ESR1: variants seen among roughly 807,000 people sequenced by gnomAD.
ESR1 encodes estrogen receptor 1.
ESR1 carries 12 observed loss-of-function variants against 52.7 expected under a neutral mutation model. The ratio of observed to expected loss-of-function variants is 0.23; its 90% CI spans 0.15 to 0.37. The LOEUF is 0.37. Among genes scored for constraint, ESR1 ranks in the 10% least tolerant of loss-of-function variants. The pLI is 1.00. For synonymous variants in ESR1, 305 were observed against 316.8 expected (o/e 0.96, Z 0.39); for missense variants, 584 against 779.7 (o/e 0.75, Z 2.99).
At chr6:151,686,709 C>A (rs559585224), upstream of ESR1, among the ~76,000 whole-genome samples, 1 of 151,880 alleles carries the variant, frequency 6.6e-6, no homozygotes, top group Admixed American at 6.5e-5. Context: ...ACCAACCAAC[C>A]AACCAACCAA....
chr6:152,127,201 T>C (rs1287071856), exon 7 of ESR1: 2 of 152,124 alleles, frequency 1.3e-5, no homozygotes, highest in African/African-American at 2.4e-5. Flanking sequence ...TACCCATCAA[T>C]GGCCCTTCAG....
At chr6:152,114,392 T>C (rs2051182492) in intron 6 of ESR1, among the ~76,000 whole-genome samples, 2 of 152,052 alleles carry the variant, frequency 1.3e-5, no homozygotes, top group Admixed American at 6.5e-5. Flanking sequence ...ACATCTCTCC[T>C]AGGAAAGCTC....
rs539134034 is a variant in ESR1 at position 151,954,356 on chromosome 6, T to C, written c.1096+9848T>C. Among the ~76,000 whole-genome samples the C allele has an allele frequency of 2.6e-5, 4 of 152,356 alleles. No individual in the cohort carries two copies. The South Asian group carries it at 8.3e-4, about 32-fold the overall frequency. On this transcript the variant is annotated intron_variant, in intron 4 of 7. Coordinates refer to ENST00000206249, the MANE Select transcript of ESR1 (RefSeq NM_000125.4). ...TTAAAAACAAGTGGCCTTGTCCTTT[T>C]AGTCTAGGATTTATCACTTAGCTGT...
At chr6:152,109,114 CACTT>C (rs1415185869) in intron 6 of ESR1, among the ~76,000 whole-genome samples, 4 of 152,092 alleles carry the variant, frequency 2.6e-5, no homozygotes, top group Non-Finnish European at 5.9e-5. Flanking sequence ...CACAATAACT[CACTT>C]ACTCACTATC....
chr6:151,918,406 A>T (rs1373026897), intron 3 of ESR1, among the ~76,000 whole-genome samples: 1 of 152,250 alleles, frequency 6.6e-6, no homozygotes, highest in Non-Finnish European at 1.5e-5. Flanking sequence ...ATCATTGCTC[A>T]TCTGTGCCTA....
At chr6:152,002,353 A>G (rs2042025162) in intron 4 of ESR1, among the ~76,000 whole-genome samples, 1 of 151,928 alleles carries the variant, frequency 6.6e-6, no homozygotes, top group Non-Finnish European at 1.5e-5. Context: ...GAGACCGTCT[A>G]CTTCCCTCGT....
At chr6:151,890,213 C>T (rs1185275133) in intron 3 of ESR1, among the ~76,000 whole-genome samples, 1 of 151,682 alleles carries the variant, frequency 6.6e-6, no homozygotes, top group African/African-American at 2.4e-5. Context: ...GCCTCCCGAG[C>T]AGCTGGGAAT....
At chr6:151,981,957 G>C (rs1257016228) in intron 4 of ESR1, among the ~76,000 whole-genome samples, 2 of 152,176 alleles carry the variant, frequency 1.3e-5, no homozygotes, top group South Asian at 4.1e-4. Context: ...GACAAATAAG[G>C]TTCATTTTCA....
At chr6:152,071,576 C>T (rs1425782317) in intron 6 of ESR1, among the ~76,000 whole-genome samples, 6 of 152,182 alleles carry the variant, frequency 3.9e-5, no homozygotes, top group African/African-American at 1.2e-4. Flanking sequence ...TAGAACAATA[C>T]CTACTTAAAC....
At chr6:151,996,156 G>A (rs1051674437) in intron 4 of ESR1, among the ~76,000 whole-genome samples, 7 of 152,124 alleles carry the variant, frequency 4.6e-5, no homozygotes, top group Non-Finnish European at 7.4e-5. Context: ...GTCTGTATGG[G>A]ACAGCCTCCT....
chr6:151,947,185 G>A (rs977250463), intron 4 of ESR1, among the ~76,000 whole-genome samples: 2 of 152,092 alleles, frequency 1.3e-5, no homozygotes, highest in African/African-American at 4.8e-5. Context: ...CAGGCTTGGT[G>A]GCACACATCC....
intron 1 of ESR1, among the ~76,000 whole-genome samples, chr6:151,819,429 A>C (rs1171941148): frequency 6.6e-6 from 1 of 152,202 alleles, no homozygotes; most frequent in Non-Finnish European, 1.5e-5. Context: ...GTGATGCTTC[A>C]TCTGTATTTA....
At chr6:151,852,590 G>T (rs1786971373) in intron 2 of ESR1, among the ~76,000 whole-genome samples, 1 of 146,500 alleles carries the variant, frequency 6.8e-6, no homozygotes, top group Non-Finnish European at 1.5e-5. Context: ...GTAAACTGCA[G>T]AAACAAATAT....
chr6:152,088,031 T>C (rs1338535975), intron 6 of ESR1, among the ~76,000 whole-genome samples: 1 of 152,178 alleles, frequency 6.6e-6, no homozygotes, highest in Non-Finnish European at 1.5e-5. Flanking sequence ...TAATAAAACA[T>C]ACATATTCCT....
chr6:152,055,983 T>C (rs2047069922), intron 5 of ESR1, among the ~76,000 whole-genome samples: 1 of 152,246 alleles, frequency 6.6e-6, no homozygotes, highest in East Asian at 1.9e-4. Context: ...TGTTTCTGTC[T>C]GTATACTCAT....
chr6:152,103,980 C>CTTTTTTTTT (rs369261779), downstream of ESR1, among the ~76,000 whole-genome samples: 2 of 93,872 alleles, frequency 2.1e-5, no homozygotes, highest in African/African-American at 4.2e-5. Context: ...TTCATTCTAC[C>CTTTTTTTTT]TTTTTTTTTT....
intron 4 of ESR1, among the ~76,000 whole-genome samples, chr6:152,001,647 G>A (rs2041953462): frequency 6.6e-6 from 1 of 151,948 alleles, no homozygotes; most frequent in African/African-American, 2.4e-5. Context: ...TCCACCATGG[G>A]TTAAAGAAAA....
intron 3 of ESR1, among the ~76,000 whole-genome samples, chr6:151,886,106 C>A (rs1241911201): frequency 6.6e-6 from 1 of 151,372 alleles, no homozygotes; most frequent in Non-Finnish European, 1.5e-5. Flanking sequence ...ATATAAATTT[C>A]TAATTTCTTT....
At position 152,101,239 on chromosome 6, in the gene ESR1, G is replaced by A. The variant is rs1017083961; in HGVS notation, c.*2273G>A. The A allele has an allele frequency of 4.3e-6, 1 of 231,998 alleles. No individual in the cohort carries two copies. The highest frequency in any genetic ancestry group is 8.5e-6 in the Non-Finnish European group (1 of 117,232). 14.4% of individuals were successfully genotyped at this position (231,998 alleles called of 1,614,324 possible). A position where few individuals can be genotyped will look rare whatever the true frequency, so the allele number is the denominator to read the frequency against. On this transcript the variant is annotated 3_prime_UTR_variant, in exon 8 of 8. Coordinates refer to ENST00000206249, the MANE Select transcript of ESR1 (RefSeq NM_000125.4). Reference sequence around the variant, plus strand: ...ATCTTATGTAGCAAAGATTATGCCTGAAAAGGAAAATTATTCAGGGCAGCT... The same window carrying A: ...ATCTTATGTAGCAAAGATTATGCCTAAAAAGGAAAATTATTCAGGGCAGCT...
Sources: gnomAD v4.1 joint callset for allele counts (sites outside exome capture counted in the v4.1 genomes callset) on GRCh38, gnomAD v4.1.1 for gene constraint, MANE v1.5 for transcripts, NCBI Gene and HGNC (gene_info 2026-07-23, HGNC 2026-07-21) for gene names.